The following SNX9 variants were observed in gnomAD, a reference collection of about 807,000 sequenced individuals.
The protein encoded by SNX9 is sorting nexin 9.
SNX9 carries 44 observed loss-of-function variants against 89.4 expected under a neutral mutation model. That is an observed-to-expected ratio of 0.49 (90% confidence interval 0.39 to 0.63). SNX9 has a LOEUF of 0.63. SNX9 is among the 30% of genes least tolerant of loss of function. The pLI is 0.00. For missense variants in SNX9, 578 were observed against 736.1 expected, an observed-to-expected ratio of 0.79 and a Z score of 2.49; for synonymous variants, 236 against 247.8, an observed-to-expected ratio of 0.95 and a Z score of 0.45.
At chr6:157,902,461 G>A (rs1443459613) in intron 6 of SNX9, among the ~76,000 whole-genome samples, 1 of 152,042 alleles carries the variant, frequency 6.6e-6, no homozygotes, top group African/African-American at 2.4e-5. Context: ...TTCGCATGTA[G>A]CCCTCATATC....
At chr6:157,884,039 T>G (rs16900485) in intron 4 of SNX9, among the ~76,000 whole-genome samples, 4,563 of 152,290 alleles carry the variant, frequency 0.03, 225 homozygotes, top group African/African-American at 0.1. Flanking sequence ...ACTTACAGAT[T>G]TCCTGAATCC....
intron 4 of SNX9, among the ~76,000 whole-genome samples, chr6:157,893,366 A>T (rs77279689): frequency 1.3e-5 from 2 of 152,148 alleles, no homozygotes; most frequent in Non-Finnish European, 2.9e-5. Context: ...AAGTAACTTC[A>T]GTTTTTTCCT....
chr6:157,941,245 TC>T (rs920867048), intron 17 of SNX9, among the ~76,000 whole-genome samples: 2 of 151,968 alleles, frequency 1.3e-5, no homozygotes, highest in African/African-American at 4.8e-5. Flanking sequence ...TGCAGCTCCT[TC>T]CCCCCGTCAC....
chr6:157,864,484 C>T (rs1182168859), intron 1 of SNX9, among the ~76,000 whole-genome samples: 2 of 152,200 alleles, frequency 1.3e-5, no homozygotes, highest in Non-Finnish European at 2.9e-5. Context: ...TCACTACATT[C>T]TAAGTTTAGT....
intron 1 of SNX9, among the ~76,000 whole-genome samples, chr6:157,833,109 G>T (rs533553957): frequency 6.6e-6 from 1 of 152,106 alleles, no homozygotes; most frequent in Non-Finnish European, 1.5e-5. Context: ...TAAAATGTGC[G>T]AGTTTAAATG....
intron 1 of SNX9, among the ~76,000 whole-genome samples, chr6:157,839,729 G>T (rs956904738): frequency 6.6e-6 from 1 of 152,184 alleles, no homozygotes; most frequent in Non-Finnish European, 1.5e-5. Flanking sequence ...TGGTAACCTA[G>T]TGCCATGGCC....
In SNX9 at chr6:157,940,971, A is replaced by C; in HGVS notation, c.1737A>C (p.Glu579Asp). The change falls in exon 17 of 18, where the codon GAA becomes GAC. Residue 579 changes from glutamate to aspartate, a missense_variant. This residue lies in a region of SNX9 where 348 missense variants were observed against 491.4 expected (regional missense o/e 0.71). Coordinates refer to ENST00000392185, the MANE Select transcript of SNX9 (RefSeq NM_016224.5). ...LYLEQQVQFY[E>D]TIAEKLRQAL... ...TGGAGCAGCAAGTGCAATTTTACGA[A>C]ACGGTGAGTGGGCGTCCACGTGCCT... The C allele has an allele frequency of 6.2e-7, 1 of 1,614,028 alleles. No homozygotes were observed. Among genetic ancestry groups the C allele is most frequent in the Non-Finnish European group, 8.5e-7 (1 of 1,179,922 alleles).
At chr6:157,844,600 G>GTTTTTTTTTTTTTTTTTTTTTTTT (rs34836632) in intron 1 of SNX9, among the ~76,000 whole-genome samples, 4 of 131,804 alleles carry the variant, frequency 3.0e-5, no homozygotes, top group East Asian at 4.5e-4. Context: ...TTTTTTTTTT[G>GTTTTTTTTTTTTTTTTTTTTTTTT]TTTTTTTTTT....
At chr6:157,862,287 C>A (rs545334778) in intron 1 of SNX9, among the ~76,000 whole-genome samples, 1 of 152,234 alleles carries the variant, frequency 6.6e-6, no homozygotes, top group South Asian at 2.1e-4. Context: ...AGTTCTGTTT[C>A]TTCTGATGAT....
intron 1 of SNX9, among the ~76,000 whole-genome samples, chr6:157,858,334 C>T (rs1475804919): frequency 6.6e-6 from 1 of 151,546 alleles, no homozygotes; most frequent in Non-Finnish European, 1.5e-5. Context: ...GCAGCCTCCA[C>T]CACCCGGGTT....
chr6:157,910,587 G>T (rs907223282), intron 9 of SNX9, among the ~76,000 whole-genome samples: 5 of 151,810 alleles, frequency 3.3e-5, no homozygotes, highest in Non-Finnish European at 5.9e-5. Context: ...TATTTATTTT[G>T]ATTATTACCC....
intron 1 of SNX9, among the ~76,000 whole-genome samples, chr6:157,827,465 ACTTATAGTT>A (rs1781392421): frequency 3.9e-5 from 1 of 25,334 alleles, no homozygotes; most frequent in Non-Finnish European, 5.4e-5. Flanking sequence ...TAATATATAA[ACTTATAGTT>A]TATATAATAT....
intron 1 of SNX9, among the ~76,000 whole-genome samples, chr6:157,826,880 T>TATATAAATATATATTATAGTTTATATA (rs2115101055): frequency 9.8e-6 from 1 of 101,644 alleles, no homozygotes; most frequent in South Asian, 2.7e-4. Context: ...GTTTATATAA[T>TATATAAATATATATTATAGTTTATATA]ATATAAATAT....
chr6:157,937,528 C>CCTGAT lies in SNX9; in HGVS notation c.1533+7_1533+11dup. On this transcript the variant is annotated splice_donor_region_variant and intron_variant, in intron 15 of 17. Transcript: ENST00000392185. Reference sequence around the variant, plus strand: ...GACATCATTGGCACTCACAAGGTAACCTGATCGTAGACATTTATAGAAGAC... The same window carrying CCTGAT: ...GACATCATTGGCACTCACAAGGTAACCTGATCTGATCGTAGACATTTATAGAAGAC... 1 of 1,608,888 alleles carries CCTGAT rather than the reference C, an allele frequency of 6.2e-7. No individual in the cohort carries two copies. Among genetic ancestry groups the CCTGAT allele is most frequent in the Middle Eastern group, 1.7e-4 (1 of 6,050 alleles).
rs558258083 is a variant in SNX9, at chr6:157,919,326, C to G, written c.950-2205C>G. 2.0e-5 allele frequency among the ~76,000 whole-genome samples: 3 copies of G among 152,308 alleles called. No homozygotes were observed. In the East Asian group the frequency reaches 5.8e-4, roughly 29 times the overall value. ...ATTTTTTGTCTCACTCTCTCTTCTT[C>G]CTCTGGGATTCTCATTACAAGTGTT... On this transcript the variant is annotated intron_variant, in intron 9 of 17. Transcript: ENST00000392185.
At chr6:157,915,531 A>G (rs1462901962) in intron 9 of SNX9, among the ~76,000 whole-genome samples, 1 of 150,020 alleles carries the variant, frequency 6.7e-6, no homozygotes, top group African/African-American at 2.5e-5. Context: ...CATGCCTGTA[A>G]TCTCAGCACT....
chr6:157,889,629 T>G (rs1173573972), intron 4 of SNX9, among the ~76,000 whole-genome samples: 1 of 152,182 alleles, frequency 6.6e-6, no homozygotes, highest in African/African-American at 2.4e-5. Flanking sequence ...GTCTTCTTCC[T>G]CTTTTATGTA....
chr6:157,873,635 TATAG>T (rs1203984417), intron 3 of SNX9, among the ~76,000 whole-genome samples: 1 of 147,796 alleles, frequency 6.8e-6, no homozygotes, highest in Non-Finnish European at 1.5e-5. Context: ...AAATTATAAA[TATAG>T]ATATATATTT....
intron 1 of SNX9, among the ~76,000 whole-genome samples, chr6:157,833,223 T>G (rs1191263509): frequency 6.6e-6 from 1 of 152,226 alleles, no homozygotes. Context: ...TTTTTATGTT[T>G]TAGTTTGTTT....
Sources: gnomAD v4.1 joint callset for allele counts (sites outside exome capture counted in the v4.1 genomes callset) on GRCh38, gnomAD v4.1.1 for gene constraint, gnomAD v4.1.1 regional missense constraint, MANE v1.5 for transcripts, NCBI Gene and HGNC (gene_info 2026-07-23, HGNC 2026-07-21) for gene names.